SMYD4: variants seen among roughly 807,000 people sequenced by gnomAD.
SMYD4 encodes SET and MYND domain containing 4.
SMYD4 carries 68 observed loss-of-function variants against 72.8 expected under a neutral mutation model. The observed-to-expected ratio is 0.93, with a 90% CI of 0.77 to 1.14. The LOEUF is 1.14. Among genes scored for constraint, SMYD4 ranks in the 50% most tolerant of loss-of-function variants. SMYD4 has a pLI of 0.00. For synonymous variants in SMYD4, 407 were observed against 388.6 expected (o/e 1.05, Z -0.56); for missense variants, 984 against 1,003.7 (o/e 0.98, Z 0.27).
At chr17:1,791,101 T>G (rs1293763207) in intron 5 of SMYD4, among the ~76,000 whole-genome samples, 2 of 107,238 alleles carry the variant, frequency 1.9e-5, no homozygotes, top group African/African-American at 7.3e-5. Flanking sequence ...CACTCCAGCC[T>G]GGGCTGGCCC....
intron 3 of SMYD4, among the ~76,000 whole-genome samples, chr17:1,805,926 T>C (rs1010148963): frequency 1.4e-5 from 2 of 143,030 alleles, no homozygotes; most frequent in African/African-American, 5.1e-5. Flanking sequence ...TACATCAAAT[T>C]CTTTTTTTTT....
chr17:1,789,088 CA>C (rs1240074087), intron 5 of SMYD4, among the ~76,000 whole-genome samples: 1 of 152,068 alleles, frequency 6.6e-6, no homozygotes, highest in Non-Finnish European at 1.5e-5. Flanking sequence ...CCAGGAATCT[CA>C]AAAAAACCAC....
intron 2 of SMYD4, among the ~76,000 whole-genome samples, chr17:1,824,653 T>G (rs1911068076): frequency 1.3e-5 from 2 of 152,134 alleles, no homozygotes; most frequent in Non-Finnish European, 2.9e-5. Flanking sequence ...GGAGTCTTGC[T>G]CTGTTGCCCA....
At chr17:1,810,392 C>T (rs1910267689) in intron 3 of SMYD4, among the ~76,000 whole-genome samples, 1 of 152,038 alleles carries the variant, frequency 6.6e-6, no homozygotes. Flanking sequence ...CAAAAATTAG[C>T]TGGGCGTGGT....
chr17:1,781,572 T>A (rs1193769194), intron 10 of SMYD4, 133 bp from the exon 11 acceptor site: 25 of 1,034,284 alleles, frequency 2.4e-5, no homozygotes, highest in Non-Finnish European at 3.1e-5. Context: ...GAACAGTAAG[T>A]AAGACACTGT....
intron 6 of SMYD4, 141 bp downstream of exon 6, chr17:1,787,280 GT>G: frequency 6.3e-6 from 7 of 1,109,372 alleles, no homozygotes; most frequent in Non-Finnish European, 6.5e-6. Flanking sequence ...TCCCTTCCTT[GT>G]TTTTGGCCTA....
chr17:1,794,085 A>ATATATATATGTATATATATG (rs1567771007), intron 5 of SMYD4, among the ~76,000 whole-genome samples: 1 of 20,044 alleles, frequency 5.0e-5, no homozygotes, highest in Non-Finnish European at 9.9e-5. Context: ...ATATGTGTAT[A>ATATATATATGTATATATATG]TATATATATA....
rs1911428154 is a variant in SMYD4 at position 1,829,727 on chromosome 17, C to G, written c.-14G>C. On this transcript the variant is annotated splice_region_variant and 5_prime_UTR_variant, in exon 1 of 11. Transcript: ENST00000305513. Reference sequence around the variant, plus strand: ...TTTAACCTCCTCTGGGATACCAACCCGTGCACTCGCCAGAGACCGAGGCGA... The same window carrying G: ...TTTAACCTCCTCTGGGATACCAACCGGTGCACTCGCCAGAGACCGAGGCGA... 1.7e-5 allele frequency: 3 copies of G among 177,204 alleles called. No homozygotes were observed. Among genetic ancestry groups the G allele is most frequent in the Non-Finnish European group, 3.5e-5 (3 of 84,988 alleles). 11.0% of individuals were successfully genotyped at this position (177,204 alleles called of 1,614,324 possible).
At chr17:1,790,036 G>A (rs1025802866) in intron 5 of SMYD4, among the ~76,000 whole-genome samples, 5 of 152,148 alleles carry the variant, frequency 3.3e-5, no homozygotes, top group African/African-American at 9.7e-5. Context: ...GTGCTAATGA[G>A]CAGTGAAAAT....
chr17:1,789,730 A>G (rs1458319501), intron 5 of SMYD4, among the ~76,000 whole-genome samples: 2 of 133,294 alleles, frequency 1.5e-5, no homozygotes, highest in South Asian at 2.4e-4. Context: ...GCACCACTGC[A>G]CTCCAGCCTG....
chr17:1,785,299 G>A (rs1288007758), intron 7 of SMYD4, among the ~76,000 whole-genome samples: 1 of 150,210 alleles, frequency 6.7e-6, no homozygotes, highest in Non-Finnish European at 1.5e-5. Context: ...GGTGGCGGGC[G>A]CCTGTAGTCT....
intron 2 of SMYD4, among the ~76,000 whole-genome samples, chr17:1,815,202 T>C (rs570599318): frequency 6.8e-4 from 103 of 152,106 alleles, no homozygotes; most frequent in African/African-American, 2.3e-3. Flanking sequence ...CAGCTGGGAT[T>C]ACAGGTGCCC....
chr17:1,796,686 C>T (rs1328356546), intron 5 of SMYD4, among the ~76,000 whole-genome samples: 3 of 152,036 alleles, frequency 2.0e-5, no homozygotes, highest in African/African-American at 4.8e-5. Context: ...CCGCCCGCCT[C>T]GGCCTCCCAA....
chr17:1,801,127 A>C, intron 4 of SMYD4, 103 bp from the exon 5 acceptor site: 1 of 1,087,898 alleles, frequency 9.2e-7, no homozygotes, highest in Non-Finnish European at 1.3e-6. Context: ...GATTATTAAA[A>C]AATGGAACAA....
At chr17:1,791,249 C>A (rs1387861994) in intron 5 of SMYD4, among the ~76,000 whole-genome samples, 1 of 151,600 alleles carries the variant, frequency 6.6e-6, no homozygotes, top group Non-Finnish European at 1.5e-5. Context: ...CCGGATAGAT[C>A]ATAAATATGC....
chr17:1,792,152 C>T (rs1296802872), intron 5 of SMYD4, among the ~76,000 whole-genome samples: 2 of 151,940 alleles, frequency 1.3e-5, no homozygotes, highest in Non-Finnish European at 2.9e-5. Flanking sequence ...ACACCATTCT[C>T]CTGCCTCAGC....
intron 5 of SMYD4, among the ~76,000 whole-genome samples, chr17:1,789,539 A>G (rs866582268): frequency 5.0e-4 from 76 of 152,214 alleles, no homozygotes; most frequent in Non-Finnish European, 8.8e-4. Context: ...CAAGGCGGGC[A>G]GATCACTTGA....
rs151333344 is a variant in SMYD4 at position 1,814,215 on chromosome 17, G to A, written c.135-2100C>T. 1.7e-3 allele frequency among the ~76,000 whole-genome samples: 260 copies of A among 151,836 alleles called. 1 individual carries two copies. Among genetic ancestry groups the A allele is most frequent in the African/African-American group, 6.1e-3 (251 of 41,420 alleles). ...AGCTACTCGGGAGGCTGAGGTGGGA[G>A]GACTGCCTGAGCCCAGGAAGTCAAG... is the stretch of plus-strand genomic sequence containing the variant. On this transcript the variant is annotated intron_variant, in intron 2 of 10. Transcript: ENST00000305513.
chr17:1,785,319 G>A (rs1214696102), intron 7 of SMYD4, among the ~76,000 whole-genome samples: 7 of 150,468 alleles, frequency 4.7e-5, no homozygotes, highest in East Asian at 2.0e-4. Context: ...TCACCTACTC[G>A]GGAGGCTGAG....
Sources: gnomAD v4.1 joint callset for allele counts (sites outside exome capture counted in the v4.1 genomes callset) on GRCh38, gnomAD v4.1.1 for gene constraint, MANE v1.5 for transcripts, NCBI Gene and HGNC (gene_info 2026-07-23, HGNC 2026-07-21) for gene names.